Variants in NMNAT2 observed in about 807,000 individuals in gnomAD.
NMNAT2 encodes the protein nicotinamide nucleotide adenylyltransferase 2.
Under a neutral mutation model 41.6 loss-of-function variants are expected in NMNAT2, and 11 were observed. The ratio of observed to expected loss-of-function variants is 0.26; its 90% CI spans 0.17 to 0.44. NMNAT2 has a LOEUF of 0.44. Among genes scored for constraint, NMNAT2 ranks in the 20% least tolerant of loss-of-function variants. The pLI is 1.00. For synonymous variants in NMNAT2, 148 were observed against 151.2 expected, an observed-to-expected ratio of 0.98 and a Z score of 0.16; for missense variants, 288 against 407.7, an observed-to-expected ratio of 0.71 and a Z score of 2.53.
intron 2 of NMNAT2, 94 bp from the exon 3 acceptor site, chr1:183,292,951 G>T: frequency 8.5e-7 from 1 of 1,179,984 alleles, no homozygotes; most frequent in Non-Finnish European, 1.2e-6. Flanking sequence ...TTAAAGTGCA[G>T]CCATTTTTCA....
chr1:183,297,015 C>T (rs147875185), intron 1 of NMNAT2, among the ~76,000 whole-genome samples: 43 of 151,954 alleles, frequency 2.8e-4, no homozygotes, highest in African/African-American at 1.0e-3. Flanking sequence ...CCCTCTGCTG[C>T]AATAAGCCAG....
chr1:183,338,349 C>G (rs1327154677), intron 1 of NMNAT2, among the ~76,000 whole-genome samples: 2 of 141,204 alleles, frequency 1.4e-5, no homozygotes, highest in African/African-American at 5.3e-5. Flanking sequence ...CAAATACCCT[C>G]ACTTTGCACA....
intron 5 of NMNAT2, among the ~76,000 whole-genome samples, chr1:183,286,325 C>T (rs1219443058): frequency 2.6e-5 from 4 of 152,140 alleles, no homozygotes; most frequent in African/African-American, 9.7e-5. Context: ...CTCCTGGGCT[C>T]AAGCCATCCA....
At chr1:183,265,887 A>G (rs1660800276) in intron 8 of NMNAT2, among the ~76,000 whole-genome samples, 1 of 152,248 alleles carries the variant, frequency 6.6e-6, no homozygotes, top group Admixed American at 6.5e-5. Flanking sequence ...CCCTAAATGC[A>G]GTAACAAGTA....
chr1:183,370,767 G>A (rs1663519642), intron 1 of NMNAT2, among the ~76,000 whole-genome samples: 1 of 152,226 alleles, frequency 6.6e-6, no homozygotes, highest in South Asian at 2.1e-4. Flanking sequence ...AGAACAAGGG[G>A]ATGCTGGTGG....
intron 1 of NMNAT2, among the ~76,000 whole-genome samples, chr1:183,328,758 T>C (rs191720254): frequency 2.2e-4 from 33 of 152,374 alleles, no homozygotes; most frequent in Non-Finnish European, 4.0e-4. Context: ...CAGAGTCTCC[T>C]AGCCTGACCT....
rs545840637 is a variant in NMNAT2, at chr1:183,410,176, A to T, written c.85+8007T>A. Reference sequence around the variant, plus strand: ...TAATACCAAAAAAAAAAAAAAAAATAGCCGGGCATGATGGCGGGTGCCTGT... The same window carrying T: ...TAATACCAAAAAAAAAAAAAAAAATTGCCGGGCATGATGGCGGGTGCCTGT... On this transcript the variant is annotated intron_variant, in intron 1 of 10. Coordinates refer to ENST00000287713, the MANE Select transcript of NMNAT2 (RefSeq NM_015039.4). Among the ~76,000 whole-genome samples the T allele has an allele frequency of 1.1e-4, 15 of 142,558 alleles. 1 individual carries two copies. The highest frequency in any genetic ancestry group is 3.6e-3 in the Middle Eastern group (1 of 278). The allele number at this position is 142,558 out of a possible 152,430, so 93.5% of individuals were successfully genotyped here.
rs1662006545 is a variant in NMNAT2, at chr1:183,306,920, TTAGA to T, written c.86-13131_86-13128del. ...AATATTAATCTGGCTCACAGTGTTG[TTAGA>T]TAAACAGTATAAGGAGTTTAGCACA... On this transcript the variant is annotated intron_variant, in intron 1 of 10. Coordinates refer to ENST00000287713, the MANE Select transcript of NMNAT2 (RefSeq NM_015039.4). 2.6e-5 allele frequency among the ~76,000 whole-genome samples: 4 copies of T among 152,230 alleles called. 1 individual carries two copies. The South Asian group carries it at 8.3e-4, about 32-fold the overall frequency.
intron 1 of NMNAT2, among the ~76,000 whole-genome samples, chr1:183,415,166 G>C (rs573484505): frequency 5.3e-5 from 8 of 152,232 alleles, no homozygotes; most frequent in Admixed American, 5.2e-4. Flanking sequence ...ATTTTTTGTA[G>C]AGATGGGGTT....
intron 4 of NMNAT2, 53 bp downstream of exon 4, chr1:183,290,075 T>A (rs781550869): frequency 6.9e-6 from 10 of 1,447,970 alleles, no homozygotes; most frequent in Non-Finnish European, 9.5e-6. Flanking sequence ...GTCCAGCCCC[T>A]TCCGCCCTTG....
chr1:183,293,929 A>T (rs1557869333), intron 1 of NMNAT2, 136 bp from the exon 2 acceptor site: 5 of 665,630 alleles, frequency 7.5e-6, no homozygotes, highest in Non-Finnish European at 1.3e-5. Context: ...AGAAAATGTC[A>T]ACTTTCAAAG....
chr1:183,398,927 T>C (rs577516696), intron 1 of NMNAT2, among the ~76,000 whole-genome samples: 1 of 152,210 alleles, frequency 6.6e-6, no homozygotes, highest in South Asian at 2.1e-4. Flanking sequence ...TAGAGGGAAA[T>C]TTATAGCACT....
At chr1:183,253,389 T>A (rs1385310889) in intron 10 of NMNAT2, among the ~76,000 whole-genome samples, 1 of 150,712 alleles carries the variant, frequency 6.6e-6, no homozygotes, top group Non-Finnish European at 1.5e-5. Flanking sequence ...CAAATTAATA[T>A]TCATATATCC....
rs199839270 is a variant in NMNAT2 at position 183,261,031 on chromosome 1, G to T, written c.792C>A (p.Pro264=). Residue 264 remains proline, a synonymous_variant, in exon 10 of 11, where the codon CCC becomes CCA. Coordinates refer to ENST00000287713, the MANE Select transcript of NMNAT2 (RefSeq NM_015039.4). ...TCTTGGTTGAGCTGACAACAGACAT[G>T]GGATGGTTGATGTCATCCTTCACCA... The part of the protein sequence containing the change: ...IMVVKDDINH[P]MSVVSSTKSR... The T allele has an allele frequency of 6.2e-7, 1 of 1,613,856 alleles. No individual in the cohort carries two copies. The highest frequency in any genetic ancestry group is 8.5e-7 in the Non-Finnish European group (1 of 1,179,840).
At chr1:183,362,923 T>A (rs990983228) in intron 1 of NMNAT2, among the ~76,000 whole-genome samples, 2 of 152,212 alleles carry the variant, frequency 1.3e-5, no homozygotes, top group Admixed American at 1.3e-4. Context: ...TTGTTGATAC[T>A]CATACAATTT....
chr1:183,304,917 T>C, intron 1 of NMNAT2: 5 of 1,398,000 alleles, frequency 3.6e-6, no homozygotes, highest in Non-Finnish European at 4.7e-6. Context: ...TGACCCTCCC[T>C]TCCATAACTG....
chr1:183,267,427 C>T (rs1453572043), intron 8 of NMNAT2: 1 of 152,156 alleles, frequency 6.6e-6, no homozygotes, highest in Non-Finnish European at 1.5e-5. Context: ...AACAAAGCTC[C>T]CTAATCCTTC....
intron 8 of NMNAT2, 143 bp from the exon 9 acceptor site, chr1:183,261,446 C>T: frequency 1.4e-6 from 1 of 700,490 alleles, no homozygotes; most frequent in Non-Finnish European, 2.5e-6. Context: ...TTCTCAGCCC[C>T]ATCAGCCAGC....
At chr1:183,335,119 T>A (rs542465676) in intron 1 of NMNAT2, among the ~76,000 whole-genome samples, 1 of 152,334 alleles carries the variant, frequency 6.6e-6, no homozygotes, top group South Asian at 2.1e-4. Context: ...TCCACTGAAC[T>A]GTTGCATTAT....
Sources: allele counts gnomAD v4.1 joint callset (sites outside exome capture counted in the v4.1 genomes callset), GRCh38; gene constraint gnomAD v4.1.1; transcripts MANE v1.5; gene names NCBI Gene and HGNC (gene_info 2026-07-23, HGNC 2026-07-21).